The following DAB1 variants were observed in gnomAD, a reference collection of about 807,000 sequenced individuals.
The protein encoded by DAB1 is disabled homolog 1.
Under a neutral mutation model 64.6 loss-of-function variants are expected in DAB1, and 15 were observed. The observed-to-expected ratio is 0.23, with a 90% CI of 0.16 to 0.36. DAB1 has a LOEUF of 0.36. Among genes scored for constraint, DAB1 ranks in the 10% least tolerant of loss-of-function variants. The probability of loss-of-function intolerance (pLI) is 1.00; values close to 1 mark genes in which losing one functional copy is unlikely to be tolerated. For missense variants in DAB1, 596 were observed against 706.7 expected, an observed-to-expected ratio of 0.84 and a Z score of 1.78; for synonymous variants, 235 against 251.9, an observed-to-expected ratio of 0.93 and a Z score of 0.64.
intron 5 of DAB1, among the ~76,000 whole-genome samples, chr1:58,096,839 ATAGG>A (rs1651013650): frequency 6.6e-6 from 1 of 152,222 alleles, no homozygotes; most frequent in African/African-American, 2.4e-5. Flanking sequence ...ATCCCTCTCC[ATAGG>A]ACCCAGCGAT....
At chr1:58,461,562 C>T (rs576904269) in intron 3 of DAB1, among the ~76,000 whole-genome samples, 13 of 152,300 alleles carry the variant, frequency 8.5e-5, no homozygotes, top group South Asian at 4.1e-4. Flanking sequence ...CACATAATCA[C>T]ATTAACCAAG....
intron 7 of DAB1, among the ~76,000 whole-genome samples, chr1:57,640,013 G>C (rs1646108975): frequency 6.6e-6 from 1 of 152,168 alleles, no homozygotes; most frequent in Non-Finnish European, 1.5e-5. Flanking sequence ...GGAAGCTCTT[G>C]GTTTCAGCGG....
At chr1:57,367,817 T>C (rs763539746) in intron 1 of DAB1, among the ~76,000 whole-genome samples, 31 of 151,964 alleles carry the variant, frequency 2.0e-4, no homozygotes, top group Admixed American at 3.9e-4. Context: ...TCCTGTTCCA[T>C]AGAGCAAGCA....
In DAB1 at chr1:57,819,968, T is replaced by C. The variant is rs72916589; in HGVS notation, n.551+64031A>G. On this transcript the variant is annotated intron_variant and non_coding_transcript_variant, in intron 6 of 20. Coordinates refer to the DAB1 transcript ENST00000485760. The stretch of plus-strand genomic sequence containing the variant: ...TTCTTTGGTAGTTCCTTAATAATAA[T>C]AATCCTTTACATCCCTATAGCACTT... Among the ~76,000 whole-genome samples the C allele has an allele frequency of 8.3e-3, 1,262 of 152,310 alleles. 23 individuals carry two copies. Among genetic ancestry groups the C allele is most frequent in the African/African-American group, 0.028 (1,181 of 41,568 alleles).
intron 7 of DAB1, among the ~76,000 whole-genome samples, chr1:57,437,715 T>A (rs1685747996): frequency 6.6e-6 from 1 of 152,144 alleles, no homozygotes; most frequent in African/African-American, 2.4e-5. Flanking sequence ...GTAAAAATAA[T>A]CATGATAAAA....
At chr1:57,239,221 C>T (rs1398102920) in intron 2 of DAB1, among the ~76,000 whole-genome samples, 4 of 152,148 alleles carry the variant, frequency 2.6e-5, no homozygotes, top group Non-Finnish European at 4.4e-5. Context: ...GTCATCTCTC[C>T]AGAAATGCCT....
intron 4 of DAB1, among the ~76,000 whole-genome samples, chr1:58,331,467 T>A (rs1662965564): frequency 6.6e-6 from 1 of 152,234 alleles, no homozygotes; most frequent in East Asian, 1.9e-4. Context: ...AGAGAAATTA[T>A]ACTGTGAGTA....
intron 5 of DAB1, among the ~76,000 whole-genome samples, chr1:58,058,903 C>T (rs903750025): frequency 3.3e-5 from 5 of 152,180 alleles, no homozygotes; most frequent in Non-Finnish European, 7.4e-5. Flanking sequence ...GAACACAACA[C>T]AAAATAAAAG....
chr1:58,245,855 C>G (rs1660504844), intron 4 of DAB1, among the ~76,000 whole-genome samples: 1 of 152,146 alleles, frequency 6.6e-6, no homozygotes, highest in African/African-American at 2.4e-5. Context: ...GAACAAGTTT[C>G]TGTTCATTTA....
chr1:58,281,838 T>C (rs1661570858), intron 4 of DAB1, among the ~76,000 whole-genome samples: 1 of 152,194 alleles, frequency 6.6e-6, no homozygotes, highest in East Asian at 1.9e-4. Flanking sequence ...TGAATGCATG[T>C]ATGTAAAGCA....
chr1:57,645,565 T>C (rs1490056924), intron 7 of DAB1, among the ~76,000 whole-genome samples: 3 of 152,250 alleles, frequency 2.0e-5, no homozygotes, highest in South Asian at 2.1e-4. Flanking sequence ...TATATGTTTA[T>C]TATTATGAGC....
intron 2 of DAB1, among the ~76,000 whole-genome samples, chr1:57,177,604 T>C (rs1662466494): frequency 6.6e-6 from 1 of 152,136 alleles, no homozygotes. Context: ...CGCATGGCCA[T>C]GGAAAAGGAC....
chr1:58,243,320 G>A (rs561598493), intron 4 of DAB1, among the ~76,000 whole-genome samples: 25 of 152,074 alleles, frequency 1.6e-4, no homozygotes, highest in African/African-American at 6.0e-4. Context: ...CTATGACTCA[G>A]AGCTCATTTC....
At chr1:57,145,562 A>G in intron 2 of DAB1, 133 bp from the exon 3 acceptor site, 1 of 844,904 alleles carries the variant, frequency 1.2e-6, no homozygotes, top group Non-Finnish European at 1.8e-6. Flanking sequence ...CTCAGGAGAA[A>G]AGAATAGCAG....
At position 58,378,068 on chromosome 1, in the gene DAB1, G is replaced by C. The variant is rs889947572; in HGVS notation, n.258-34665C>G. On this transcript the variant is annotated intron_variant and non_coding_transcript_variant, in intron 3 of 20. Coordinates refer to the DAB1 transcript ENST00000485760. ...GCACTTCTCTGTATTGGTTATTCTA[G>C]TTATACATTCTTCTAAATTTTTTTC... 4.0e-4 allele frequency among the ~76,000 whole-genome samples: 55 copies of C among 137,148 alleles called. 5 individuals are homozygous for C. The highest frequency in any genetic ancestry group is 1.5e-3 in the African/African-American group (53 of 36,356). 90.0% of individuals were successfully genotyped at this position (137,148 alleles called of 152,430 possible).
At chr1:57,046,518 T>A (rs542759500) in intron 9 of DAB1, among the ~76,000 whole-genome samples, 1 of 152,320 alleles carries the variant, frequency 6.6e-6, no homozygotes, top group East Asian at 1.9e-4. Context: ...TGATGATTTA[T>A]CCAGAAAAGC....
At chr1:57,336,213 T>A (rs1199942320) in intron 1 of DAB1, among the ~76,000 whole-genome samples, 1 of 152,210 alleles carries the variant, frequency 6.6e-6, no homozygotes. Flanking sequence ...TCTAATACCT[T>A]GTTATAGCTC....
At chr1:57,765,582 G>A (rs991640812) in intron 6 of DAB1, among the ~76,000 whole-genome samples, 1 of 151,990 alleles carries the variant, frequency 6.6e-6, no homozygotes, top group African/African-American at 2.4e-5. Flanking sequence ...TCAGGCCTTC[G>A]TGCCCTCTGC....
chr1:57,482,546 T>C (rs1323287976), intron 7 of DAB1, among the ~76,000 whole-genome samples: 1 of 149,876 alleles, frequency 6.7e-6, no homozygotes, highest in African/African-American at 2.5e-5. Context: ...AATTAGGCAT[T>C]GGCAACTGTT....
Sources: gnomAD v4.1 joint callset for allele counts (sites outside exome capture counted in the v4.1 genomes callset) on GRCh38, gnomAD v4.1.1 for gene constraint, MANE v1.5 for transcripts, NCBI Gene and HGNC (gene_info 2026-07-23, HGNC 2026-07-21) for gene names.